The following LRPPRC variants were observed in gnomAD, a reference collection of about 807,000 sequenced individuals.
LRPPRC encodes leucine rich pentatricopeptide repeat containing.
A neutral mutation model predicts 180.3 loss-of-function variants in LRPPRC; 120 were observed. The ratio of observed to expected loss-of-function variants is 0.67; its 90% CI spans 0.57 to 0.77. The LOEUF is 0.77. Ranked by LOEUF, LRPPRC falls within the 30% of genes least tolerant of loss-of-function variation. The pLI, the probability that LRPPRC is intolerant of heterozygous loss-of-function variation, is 0.00. For synonymous variants in LRPPRC, 723 were observed against 600.0 expected, an observed-to-expected ratio of 1.21 and a Z score of -3.00; for missense variants, 2,012 against 1,657.2, an observed-to-expected ratio of 1.21 and a Z score of -3.72.
At position 43,917,684 on chromosome 2, in the gene LRPPRC, G is replaced by C. The variant is rs1284491987; in HGVS notation, c.3148+341C>G. Among the ~76,000 whole-genome samples, 24 of 152,070 alleles carry C rather than the reference G, an allele frequency of 1.6e-4. 1 individual carries two copies. Among genetic ancestry groups the C allele is most frequent in the Admixed American group, 1.6e-3 (24 of 15,268 alleles). ...GACACCTGTAGTCCCAGCTACTCAG[G>C]AGTCTGAGGCAGGAAAATGGCGTGA... is the stretch of plus-strand genomic sequence containing the variant. On this transcript the variant is annotated intron_variant, in intron 29 of 37. Coordinates refer to ENST00000260665, the MANE Select transcript of LRPPRC (RefSeq NM_133259.4).
chr2:43,963,564 A>G (rs1447719938), intron 12 of LRPPRC, 24 bp downstream of exon 12: 1 of 1,337,530 alleles, frequency 7.5e-7, no homozygotes, highest in Admixed American at 1.7e-5. Context: ...TCAATTATTA[A>G]ATTAAAACCA....
intron 1 of LRPPRC, among the ~76,000 whole-genome samples, chr2:43,990,842 C>CT (rs11443325): frequency 0.93 from 125,421 of 134,718 alleles, 58,563 homozygotes; most frequent in South Asian, 0.98. Flanking sequence ...CCATCAGGTT[C>CT]TTTTTTTTTT....
chr2:43,912,330 C>G, intron 30 of LRPPRC, 102 bp downstream of exon 30: 1 of 1,056,830 alleles, frequency 9.5e-7, no homozygotes, highest in Non-Finnish European at 1.4e-6. Context: ...TGAGGCCAAT[C>G]AAGCAATTTT....
At chr2:43,979,195 A>G (rs1423963708) in intron 3 of LRPPRC, among the ~76,000 whole-genome samples, 1 of 152,156 alleles carries the variant, frequency 6.6e-6, no homozygotes, top group East Asian at 1.9e-4. Flanking sequence ...ACCTGTATCC[A>G]GTGTTCATCA....
At chr2:43,920,263 G>A (rs1671652290) in intron 27 of LRPPRC, among the ~76,000 whole-genome samples, 1 of 152,006 alleles carries the variant, frequency 6.6e-6, no homozygotes, top group Admixed American at 6.5e-5. Context: ...AGACTCCCGA[G>A]TAGCTGAGAT....
At chr2:43,965,547 TAAAGGAAACA>T (rs577690312) in intron 11 of LRPPRC, among the ~76,000 whole-genome samples, 3 of 151,886 alleles carry the variant, frequency 2.0e-5, no homozygotes, top group Admixed American at 2.0e-4. Context: ...TTCTGCACGG[TAAAGGAAACA>T]ATAAAATGAA....
intron 1 of LRPPRC, among the ~76,000 whole-genome samples, chr2:43,995,590 C>G (rs967212900): frequency 1.3e-5 from 2 of 152,220 alleles, no homozygotes; most frequent in South Asian, 4.1e-4. Context: ...CGGAGGCAGG[C>G]CATGCCCACA....
At chr2:43,957,706 A>C (rs1288522554) in intron 13 of LRPPRC, among the ~76,000 whole-genome samples, 3 of 152,184 alleles carry the variant, frequency 2.0e-5, no homozygotes, top group African/African-American at 7.2e-5. Flanking sequence ...CTTTCCTATA[A>C]ATGGCAATTA....
intron 34 of LRPPRC, among the ~76,000 whole-genome samples, chr2:43,897,678 T>TACC (rs549696857): frequency 6.3e-4 from 96 of 152,124 alleles, no homozygotes; most frequent in South Asian, 3.6e-3. Context: ...AACACTCAGC[T>TACC]ACCACCAAGA....
intron 34 of LRPPRC, among the ~76,000 whole-genome samples, chr2:43,898,088 A>C (rs1325426472): frequency 1.3e-5 from 2 of 150,268 alleles, no homozygotes; most frequent in African/African-American, 4.9e-5. Flanking sequence ...AAAAAAAAAA[A>C]CAAAGGAAAA....
chr2:43,927,893 T>C (rs1010766059), intron 25 of LRPPRC, among the ~76,000 whole-genome samples: 2 of 152,236 alleles, frequency 1.3e-5, no homozygotes, highest in Admixed American at 6.5e-5. Flanking sequence ...GCTGCTGTAA[T>C]GTCAAGATTT....
At chr2:43,927,770 G>C (rs137916173) in intron 25 of LRPPRC, among the ~76,000 whole-genome samples, 107 of 152,270 alleles carry the variant, frequency 7.0e-4, no homozygotes, top group African/African-American at 2.5e-3. Context: ...TGGCAGGACA[G>C]CTGATTTATA....
chr2:43,977,977 A>C (rs914574221), intron 3 of LRPPRC, among the ~76,000 whole-genome samples: 1 of 152,154 alleles, frequency 6.6e-6, no homozygotes, highest in Non-Finnish European at 1.5e-5. Context: ...TATGGTTAGT[A>C]TCTGGGGGTG....
At chr2:43,946,435 A>G (rs1342994770) in intron 20 of LRPPRC, among the ~76,000 whole-genome samples, 192 bp from the exon 21 acceptor site, 1 of 152,064 alleles carries the variant, frequency 6.6e-6, no homozygotes, top group Non-Finnish European at 1.5e-5. Flanking sequence ...TTACACGTGT[A>G]GGGGTTAAAA....
chr2:43,962,249 G>A (rs994013878), intron 12 of LRPPRC, among the ~76,000 whole-genome samples: 5 of 152,124 alleles, frequency 3.3e-5, no homozygotes, highest in African/African-American at 9.7e-5. Flanking sequence ...GTAAGAATAT[G>A]TGGGAAAGTT....
At chr2:43,889,928 C>G (rs1023339375) in intron 36 of LRPPRC, 52 bp from the exon 37 acceptor site, 1 of 1,381,768 alleles carries the variant, frequency 7.2e-7, no homozygotes, top group African/African-American at 1.4e-5. Flanking sequence ...ACCTATCTTA[C>G]TCTTTTCACC....
chr2:43,905,763 T>G lies in LRPPRC; in HGVS notation c.3293A>C (p.Lys1098Thr), dbSNP rs1671047885. Residue 1098 changes from lysine (K) to threonine (T), a missense_variant, in exon 31 of 38, where the codon AAG (lysine) becomes ACG (threonine). Transcript: ENST00000260665. ...GGCAGCATCGTTCAGTGTGAAGCCC[T>G]TGATGTGGGTCTCCGCGCTAAAAGA... ...EVKAFAETHIKGFTLNDAANS... is the reference protein window; with the variant it reads ...EVKAFAETHITGFTLNDAANS... The G allele has an allele frequency of 6.2e-7, 1 of 1,611,384 alleles. No homozygotes were observed. The highest frequency in any genetic ancestry group is 2.2e-5 in the East Asian group (1 of 44,886).
intron 12 of LRPPRC, among the ~76,000 whole-genome samples, chr2:43,960,864 T>G (rs1673319561): frequency 6.6e-6 from 1 of 152,222 alleles, no homozygotes; most frequent in Admixed American, 6.5e-5. Flanking sequence ...AGGGCCTTAC[T>G]TCCAGGATGA....
At chr2:43,907,298 T>C (rs912547014) in intron 30 of LRPPRC, among the ~76,000 whole-genome samples, 12 of 152,330 alleles carry the variant, frequency 7.9e-5, no homozygotes, top group Middle Eastern at 3.4e-3. Context: ...TAATATATCC[T>C]ACATATGTAG....
Sources: allele counts gnomAD v4.1 joint callset (sites outside exome capture counted in the v4.1 genomes callset), GRCh38; gene constraint gnomAD v4.1.1; transcripts MANE v1.5; gene names NCBI Gene and HGNC (gene_info 2026-07-23, HGNC 2026-07-21).